The following PRKCI variants were observed in gnomAD, a reference collection of about 807,000 sequenced individuals.
The protein encoded by PRKCI is protein kinase C iota.
In PRKCI, 43 loss-of-function variants were observed where a neutral mutation model predicts 84.0. That is an observed-to-expected ratio of 0.51 (90% CI 0.40 to 0.66). The LOEUF is 0.66. PRKCI is among the 30% of genes least tolerant of loss of function. The pLI, the probability that PRKCI is intolerant of heterozygous loss-of-function variation, is 0.00. For missense variants in PRKCI, 459 were observed against 745.6 expected (o/e 0.62, Z 4.48); for synonymous variants, 216 against 234.4 (o/e 0.92, Z 0.72).
chr3:170,230,819 G>A (rs533363493), intron 1 of PRKCI, among the ~76,000 whole-genome samples: 7 of 152,102 alleles, frequency 4.6e-5, no homozygotes, highest in East Asian at 1.9e-4. Flanking sequence ...CACAATGTGC[G>A]TAGGTACTTT....
chr3:170,222,985 G>C (rs1014110303), intron 1 of PRKCI, among the ~76,000 whole-genome samples: 8 of 152,128 alleles, frequency 5.3e-5, no homozygotes, highest in Non-Finnish European at 7.4e-5. Context: ...GCGGTGCGGG[G>C]AGCCGAGGGG....
At chr3:170,263,642 AAC>A (rs778351483) in intron 4 of PRKCI, among the ~76,000 whole-genome samples, 3 of 151,902 alleles carry the variant, frequency 2.0e-5, no homozygotes, top group Admixed American at 6.6e-5. Flanking sequence ...TCTTTCCAAA[AAC>A]ACACAAAAAA....
chr3:170,259,797 ACT>A (rs1331353267), intron 2 of PRKCI, among the ~76,000 whole-genome samples, 170 bp from the exon 3 acceptor site: 3 of 151,974 alleles, frequency 2.0e-5, no homozygotes, highest in Non-Finnish European at 4.4e-5. Context: ...CAAGAGCAAA[ACT>A]CTGTCTCCAA....
rs189374161 is a variant in PRKCI, at chr3:170,283,248, T to A, written c.1068-1213T>A. 2.0e-5 allele frequency among the ~76,000 whole-genome samples: 3 copies of A among 152,348 alleles called. No homozygotes were observed. The East Asian group carries it at 5.8e-4, about 29-fold the overall frequency. ...TTGAGTAAAAAGTTTAATCCATCAG[T>A]ACCATGTTTTGTTTCTTATCCGTAA... is the stretch of plus-strand genomic sequence containing the variant. On this transcript the variant is annotated intron_variant, in intron 11 of 17. Transcript: ENST00000295797.
chr3:170,270,287 GTTTTGCTTTTGT>G (rs1733966109), intron 5 of PRKCI, 122 bp from the exon 6 acceptor site: 13 of 860,830 alleles, frequency 1.5e-5, no homozygotes, highest in Non-Finnish European at 2.1e-5. Flanking sequence ...AGGAAGCTTT[GTTTTGCTTTTGT>G]TTTTGTTTTT....
At chr3:170,261,838 G>A (rs189079121) in intron 3 of PRKCI, among the ~76,000 whole-genome samples, 22 of 152,216 alleles carry the variant, frequency 1.4e-4, no homozygotes, top group Admixed American at 1.2e-3. Context: ...GATCCATAAT[G>A]TACTTTGTTG....
At chr3:170,261,641 G>C (rs1205411960) in intron 3 of PRKCI, among the ~76,000 whole-genome samples, 1 of 151,910 alleles carries the variant, frequency 6.6e-6, no homozygotes, top group African/African-American at 2.4e-5. Flanking sequence ...CTACCACCAT[G>C]CCCAGCTAAT....
At chr3:170,274,181 G>C (rs532297636) in intron 7 of PRKCI, among the ~76,000 whole-genome samples, 23 of 152,080 alleles carry the variant, frequency 1.5e-4, no homozygotes, top group African/African-American at 5.6e-4. Flanking sequence ...GCCCAAGCTG[G>C]AATGCAGTGG....
intron 17 of PRKCI, among the ~76,000 whole-genome samples, chr3:170,300,886 A>G (rs1734803044): frequency 6.6e-6 from 1 of 151,846 alleles, no homozygotes; most frequent in African/African-American, 2.4e-5. Flanking sequence ...GTTCTGTTTC[A>G]TCTCTGTGAC....
chr3:170,252,612 T>G (rs1733482557), intron 2 of PRKCI, among the ~76,000 whole-genome samples: 1 of 152,074 alleles, frequency 6.6e-6, no homozygotes, highest in South Asian at 2.1e-4. Flanking sequence ...AACCTTTTTT[T>G]TTTTCTGAGA....
At chr3:170,298,200 C>T (rs1734732907) in intron 16 of PRKCI, among the ~76,000 whole-genome samples, 2 of 151,820 alleles carry the variant, frequency 1.3e-5, no homozygotes, top group African/African-American at 4.8e-5. Flanking sequence ...TGTAATAAAG[C>T]AGGTTGTAAT....
chr3:170,259,475 C>T (rs942129720), intron 2 of PRKCI, among the ~76,000 whole-genome samples: 18 of 151,998 alleles, frequency 1.2e-4, no homozygotes, highest in Non-Finnish European at 2.9e-5. Context: ...TTATATGTTA[C>T]CTACTTCAGA....
At chr3:170,285,543 G>A (rs376892140) in intron 12 of PRKCI, among the ~76,000 whole-genome samples, 4 of 152,086 alleles carry the variant, frequency 2.6e-5, no homozygotes, top group African/African-American at 9.7e-5. Flanking sequence ...TGCATTCCCT[G>A]TTCACCTGTG....
chr3:170,255,773 A>G (rs574243945), intron 2 of PRKCI, among the ~76,000 whole-genome samples: 4 of 152,166 alleles, frequency 2.6e-5, no homozygotes, highest in African/African-American at 4.8e-5. Context: ...CCCATTCAGT[A>G]TGATACTAGG....
At chr3:170,244,750 C>T (rs1733230715) in intron 2 of PRKCI, 1 of 152,190 alleles carries the variant, frequency 6.6e-6, no homozygotes, top group Admixed American at 6.5e-5. Context: ...GGTTCGGAAG[C>T]ATGTATAATA....
chr3:170,242,076 T>C (rs1350015409), intron 2 of PRKCI, among the ~76,000 whole-genome samples: 1 of 152,192 alleles, frequency 6.6e-6, no homozygotes, highest in Non-Finnish European at 1.5e-5. Flanking sequence ...GCCATTGCAC[T>C]CTAGCCTGGG....
At chr3:170,277,693 C>CA (rs113442053) in intron 8 of PRKCI, among the ~76,000 whole-genome samples, 8,394 of 78,834 alleles carry the variant, frequency 0.11, 810 homozygotes, top group African/African-American at 0.29. Flanking sequence ...GACTCCGTCT[C>CA]AAAAAAAAAA....
chr3:170,224,377 T>C (rs1732575978), intron 1 of PRKCI, among the ~76,000 whole-genome samples: 1 of 152,028 alleles, frequency 6.6e-6, no homozygotes, highest in South Asian at 2.1e-4. Context: ...TTTTAAAGTT[T>C]GTAGTTGTCA....
At chr3:170,265,370 C>T (rs192966136) in intron 4 of PRKCI, among the ~76,000 whole-genome samples, 8 of 152,284 alleles carry the variant, frequency 5.3e-5, no homozygotes, top group Admixed American at 2.0e-4. Flanking sequence ...TTTGGAATAT[C>T]TAAGCCAATG....
Sources: gnomAD v4.1 joint callset for allele counts (sites outside exome capture counted in the v4.1 genomes callset) on GRCh38, gnomAD v4.1.1 for gene constraint, MANE v1.5 for transcripts, NCBI Gene and HGNC (gene_info 2026-07-23, HGNC 2026-07-21) for gene names.